The following TENM1 variants were observed in gnomAD, a reference collection of about 807,000 sequenced individuals.
TENM1 encodes teneurin transmembrane protein 1.
TENM1 carries 35 observed loss-of-function variants against 174.8 expected under a neutral mutation model. The observed-to-expected ratio is 0.20, with a 90% CI of 0.15 to 0.27. TENM1 has a LOEUF of 0.27. Among genes scored for constraint, TENM1 ranks in the 10% least tolerant of loss-of-function variants. The pLI, the probability that TENM1 is intolerant of heterozygous loss-of-function variation, is 1.00. For synonymous variants in TENM1, 781 were observed against 798.7 expected (o/e 0.98, Z 0.37); for missense variants, 1,633 against 2,130.1 (o/e 0.77, Z 4.59).
chrX:124,743,916 T>C (rs139939713), intron 3 of TENM1, among the ~76,000 whole-genome samples: 1 of 111,990 alleles, frequency 8.9e-6, no homozygotes, highest in African/African-American at 3.2e-5. Flanking sequence ...TACTTTCTAG[T>C]TTAATTAATC....
intron 18 of TENM1, 33 bp from the exon 22 acceptor site, chrX:124,503,736 A>G (rs775739343): frequency 8.8e-7 from 1 of 1,138,683 alleles, no homozygotes; most frequent in Admixed American, 2.7e-5. Flanking sequence ...ACATTAGAAA[A>G]CTGTAAAATA....
chrX:125,027,516 G>T, the TENM1 span, among the ~76,000 whole-genome samples: 5 of 111,278 alleles, frequency 4.5e-5, no homozygotes, highest in African/African-American at 1.6e-4. Context: ...CAATGCCAAA[G>T]GCATAAGAAA....
chrX:124,998,492 A>T, the TENM1 span, among the ~76,000 whole-genome samples: 4 of 109,862 alleles, frequency 3.6e-5, no homozygotes, highest in Non-Finnish European at 7.6e-5. Context: ...AAAAAAAAAC[A>T]ATGATAATAG....
intron 15 of TENM1, among the ~76,000 whole-genome samples, chrX:124,543,313 T>C (rs371510638): frequency 1.6e-4 from 18 of 112,660 alleles, no homozygotes; most frequent in Non-Finnish European, 7.5e-5. Context: ...ATCTGTGGGC[T>C]GATTTTAAGC....
At chrX:124,916,309 A>T (rs1034874713) in intron 1 of TENM1, among the ~76,000 whole-genome samples, 1 of 110,713 alleles carries the variant, frequency 9.0e-6, no homozygotes, top group Non-Finnish European at 1.9e-5. Flanking sequence ...ACTCATACTG[A>T]ATTTTTTTTT....
chrX:125,038,517 G>A, the TENM1 span, among the ~76,000 whole-genome samples: 2 of 111,175 alleles, frequency 1.8e-5, no homozygotes, highest in South Asian at 7.5e-4. Context: ...AGCTACTATA[G>A]ACACACGGCA....
rs750505646 is a variant in TENM1, at chrX:124,776,807, G to C, written c.536-39610C>G. On this transcript the variant is annotated intron_variant, in intron 3 of 31. Coordinates refer to ENST00000422452, the Ensembl canonical transcript of TENM1. Reference sequence around the variant, plus strand: ...TTCCTTTTTTGTGAGTAGCCTTCCTGAATCACTTTCAGTGATAGTCTGCTA... The same window carrying C: ...TTCCTTTTTTGTGAGTAGCCTTCCTCAATCACTTTCAGTGATAGTCTGCTA... Among the ~76,000 whole-genome samples, 24 of 111,641 alleles carry C rather than the reference G, an allele frequency of 2.1e-4. 1 individual carries two copies. In the Middle Eastern group the frequency reaches 0.014, roughly 64 times the overall value.
intron 11 of TENM1, among the ~76,000 whole-genome samples, chrX:124,566,460 G>A (rs2048943988): frequency 8.9e-6 from 1 of 111,849 alleles, no homozygotes; most frequent in Admixed American, 9.5e-5. Flanking sequence ...CAACATAAAA[G>A]CATGGCAAGC....
intron 3 of TENM1, among the ~76,000 whole-genome samples, chrX:124,886,410 A>T (rs2057384501): frequency 9.2e-6 from 1 of 108,910 alleles, no homozygotes; most frequent in Non-Finnish European, 1.9e-5. Context: ...CATACCATAC[A>T]TTCACATTTA....
the TENM1 span, among the ~76,000 whole-genome samples, chrX:125,066,638 T>C: frequency 1.8e-5 from 2 of 111,849 alleles, no homozygotes; most frequent in Non-Finnish European, 1.9e-5. Flanking sequence ...ATAGTATAAT[T>C]CTATTGACAC....
chrX:125,140,715 T>C, the TENM1 span, among the ~76,000 whole-genome samples: 1 of 112,255 alleles, frequency 8.9e-6, no homozygotes, highest in African/African-American at 3.2e-5. Context: ...ATGTATCCTA[T>C]AAATATGTAA....
At chrX:124,443,082 G>GTGTGTA (rs2060926873) in intron 23 of TENM1, among the ~76,000 whole-genome samples, 1 of 83,441 alleles carries the variant, frequency 1.2e-5, no homozygotes, top group Non-Finnish European at 2.6e-5. Flanking sequence ...GTGTGTGTGT[G>GTGTGTA]TGTGTGTGTG....
At chrX:124,560,886 T>C (rs1470001699) in intron 14 of TENM1, among the ~76,000 whole-genome samples, 1 of 111,759 alleles carries the variant, frequency 8.9e-6, no homozygotes, top group Non-Finnish European at 1.9e-5. Context: ...GATTTGTTGT[T>C]TTAGGCTCAC....
At chrX:124,396,034 C>G (rs1439593752) in intron 27 of TENM1, among the ~76,000 whole-genome samples, 1 of 111,626 alleles carries the variant, frequency 9.0e-6, no homozygotes, top group Admixed American at 9.5e-5. Context: ...ACAAAGCAAG[C>G]AGAGGACAAC....
At chrX:124,738,886 A>G (rs769806616) in intron 3 of TENM1, among the ~76,000 whole-genome samples, 2 of 112,442 alleles carry the variant, frequency 1.8e-5, no homozygotes, top group Non-Finnish European at 3.8e-5. Flanking sequence ...GGCCAGGACT[A>G]GAACTCACAT....
At chrX:124,657,058 A>C (rs913331071) in intron 6 of TENM1, among the ~76,000 whole-genome samples, 1 of 112,026 alleles carries the variant, frequency 8.9e-6, no homozygotes, top group African/African-American at 3.2e-5. Context: ...TGCAAATTGT[A>C]AACAGCAGAG....
chrX:124,860,207 T>C (rs1292956405), intron 3 of TENM1, among the ~76,000 whole-genome samples: 1 of 112,080 alleles, frequency 8.9e-6, no homozygotes, highest in African/African-American at 3.2e-5. Flanking sequence ...ATTATTTGCG[T>C]ACAGGACTTT....
the TENM1 span, among the ~76,000 whole-genome samples, chrX:125,115,156 T>C: frequency 1.8e-5 from 2 of 111,773 alleles, no homozygotes; most frequent in South Asian, 3.8e-4. Context: ...ATTATCTCAA[T>C]AGATCCAGAA....
chrX:124,658,556 G>T (rs2051507118), intron 6 of TENM1, among the ~76,000 whole-genome samples: 1 of 111,678 alleles, frequency 9.0e-6, no homozygotes, highest in Admixed American at 9.5e-5. Flanking sequence ...ATTTACTGGT[G>T]AGAGGAAGAA....
Sources: allele counts gnomAD v4.1 joint callset (sites outside exome capture counted in the v4.1 genomes callset), GRCh38; gene constraint gnomAD v4.1.1; transcripts MANE v1.5; gene names NCBI Gene and HGNC (gene_info 2026-07-23, HGNC 2026-07-21).